The following OTUD7A variants were observed in gnomAD, a reference collection of about 807,000 sequenced individuals.
The protein encoded by OTUD7A is OTU deubiquitinase 7A, also known as OTU domain-containing protein 7A.
OTUD7A carries 12 observed loss-of-function variants against 65.7 expected under a neutral mutation model. The observed-to-expected ratio is 0.18, with a 90% CI of 0.12 to 0.30. The LOEUF is 0.30. Ranked by LOEUF, OTUD7A falls within the 10% of genes least tolerant of loss-of-function variation. The pLI is 1.00. For synonymous variants in OTUD7A, 641 were observed against 586.3 expected (o/e 1.09, Z -1.35); for missense variants, 1,148 against 1,304.8 (o/e 0.88, Z 1.85).
At chr15:31,759,196 T>C (rs1484722074) in intron 1 of OTUD7A, among the ~76,000 whole-genome samples, 2 of 152,210 alleles carry the variant, frequency 1.3e-5, no homozygotes, top group African/African-American at 2.4e-5. Flanking sequence ...GTAGCAGCCA[T>C]CAGCTCTGTC....
intron 1 of OTUD7A, among the ~76,000 whole-genome samples, chr15:31,658,260 A>AAT (rs747569527): frequency 7.2e-5 from 11 of 152,210 alleles, no homozygotes; most frequent in Non-Finnish European, 1.6e-4. Flanking sequence ...ATTATGAGCC[A>AAT]ATGAATGAAC....
intron 1 of OTUD7A, among the ~76,000 whole-genome samples, chr15:31,798,821 C>T (rs571265643): frequency 9.8e-5 from 15 of 152,312 alleles, no homozygotes; most frequent in South Asian, 4.1e-4. Context: ...TGGGGGGGGG[C>T]TCCTGTCATG....
chr15:31,537,883 G>A (rs1314726185), intron 5 of OTUD7A, among the ~76,000 whole-genome samples: 5 of 152,336 alleles, frequency 3.3e-5, no homozygotes, highest in South Asian at 2.1e-4. Context: ...ATATGCTAAT[G>A]AGGCAGGTGG....
chr15:31,560,610 C>T (rs1888658178), intron 4 of OTUD7A, among the ~76,000 whole-genome samples: 1 of 152,198 alleles, frequency 6.6e-6, no homozygotes, highest in African/African-American at 2.4e-5. Flanking sequence ...GTCTTTTTAG[C>T]AGGGCAGTAG....
intron 1 of OTUD7A, among the ~76,000 whole-genome samples, chr15:31,815,655 C>T (rs945404071): frequency 1.3e-5 from 2 of 152,176 alleles, no homozygotes; most frequent in African/African-American, 4.8e-5. Flanking sequence ...GGAAACAGGG[C>T]GCTAGGCTAT....
intron 1 of OTUD7A, among the ~76,000 whole-genome samples, chr15:31,788,002 C>T (rs1895718318): frequency 6.6e-6 from 1 of 152,218 alleles, no homozygotes; most frequent in African/African-American, 2.4e-5. Flanking sequence ...GGCCACTTTA[C>T]TGTACACTCT....
At chr15:31,815,553 C>A (rs1004789789) in intron 1 of OTUD7A, among the ~76,000 whole-genome samples, 1 of 152,270 alleles carries the variant, frequency 6.6e-6, no homozygotes, top group African/African-American at 2.4e-5. Flanking sequence ...TCTGACCTCT[C>A]TGCCACTGGC....
chr15:31,835,753 CACAT>C (rs985448600), intron 1 of OTUD7A, among the ~76,000 whole-genome samples: 21 of 152,068 alleles, frequency 1.4e-4, no homozygotes, highest in Admixed American at 2.6e-4. Context: ...TATACATACA[CACAT>C]ACATATATCT....
At chr15:31,653,477 G>C (rs895392071) in intron 3 of OTUD7A, among the ~76,000 whole-genome samples, 1 of 151,516 alleles carries the variant, frequency 6.6e-6, no homozygotes, top group African/African-American at 2.4e-5. Flanking sequence ...GTCTCAAAAT[G>C]ATCTCCCTGC....
intron 10 of OTUD7A, among the ~76,000 whole-genome samples, chr15:31,490,342 T>C (rs939518780): frequency 2.4e-4 from 37 of 152,228 alleles, no homozygotes; most frequent in African/African-American, 8.0e-4. Context: ...TGGAAACATA[T>C]AGGCATCATC....
chr15:31,656,884 C>T (rs1892009061), intron 2 of OTUD7A, 99 bp downstream of exon 2: 1 of 152,462 alleles, frequency 6.6e-6, no homozygotes, highest in Admixed American at 6.5e-5. Flanking sequence ...GAGGTCTGTA[C>T]CCTCAGAGAC....
At chr15:31,692,718 T>C (rs1272073634) in intron 1 of OTUD7A, among the ~76,000 whole-genome samples, 1 of 150,286 alleles carries the variant, frequency 6.7e-6, no homozygotes, top group Non-Finnish European at 1.5e-5. Flanking sequence ...AAAATTCCTG[T>C]TTTCTCCTGG....
intron 1 of OTUD7A, among the ~76,000 whole-genome samples, chr15:31,822,339 G>A (rs1418187359): frequency 2.0e-5 from 3 of 152,190 alleles, no homozygotes; most frequent in African/African-American, 7.2e-5. Context: ...AGACCCAGCT[G>A]CACCTGACTG....
chr15:31,676,308 T>G (rs1239666735), intron 1 of OTUD7A, among the ~76,000 whole-genome samples: 3 of 151,988 alleles, frequency 2.0e-5, no homozygotes, highest in African/African-American at 7.2e-5. Context: ...TGCTCATGGC[T>G]ACAATGTGCT....
chr15:31,775,893 T>C (rs1034355552), intron 1 of OTUD7A, among the ~76,000 whole-genome samples: 1 of 152,186 alleles, frequency 6.6e-6, no homozygotes, highest in Non-Finnish European at 1.5e-5. Flanking sequence ...TCATGTTTGA[T>C]TTCCAGCAGC....
intron 3 of OTUD7A, among the ~76,000 whole-genome samples, chr15:31,638,888 G>A (rs1321541229): frequency 9.2e-5 from 14 of 152,090 alleles, no homozygotes; most frequent in East Asian, 1.9e-4. Context: ...TAATCCCAGC[G>A]CTTTGGGAGG....
At chr15:31,749,226 T>C in intron 1 of OTUD7A, among the ~76,000 whole-genome samples, 1 of 152,114 alleles carries the variant, frequency 6.6e-6, no homozygotes, top group South Asian at 2.1e-4. Flanking sequence ...ACATGGCACA[T>C]GTATACATAT....
rs936156315 is a variant in OTUD7A, at chr15:31,597,174, G to A, written c.152-26977C>T. ...AATTCCTAAGCTCAAGTAATCTGCC[G>A]GCCTTGGCCTCTGAAAGTGCTGGGA... On this transcript the variant is annotated intron_variant, in intron 3 of 12. Transcript: ENST00000307050. Among the ~76,000 whole-genome samples the A allele has an allele frequency of 2.6e-5, 4 of 151,980 alleles. 1 individual carries two copies. The highest frequency in any genetic ancestry group is 9.7e-5 in the African/African-American group (4 of 41,332).
intron 8 of OTUD7A, among the ~76,000 whole-genome samples, chr15:31,520,773 A>T (rs1047174987): frequency 1.3e-5 from 2 of 152,232 alleles, no homozygotes; most frequent in African/African-American, 4.8e-5. Context: ...CAATCCAGCA[A>T]TCCCACTACT....
Sources: gnomAD v4.1 joint callset for allele counts (sites outside exome capture counted in the v4.1 genomes callset) on GRCh38, gnomAD v4.1.1 for gene constraint, MANE v1.5 for transcripts, NCBI Gene and HGNC (gene_info 2026-07-23, HGNC 2026-07-21) for gene names.